Variants in PHF14 observed in about 807,000 individuals in gnomAD.
PHF14 encodes PHD finger protein 14.
Under a neutral mutation model 117.9 loss-of-function variants are expected in PHF14, and 55 were observed. That is an observed-to-expected ratio of 0.47 (90% confidence interval 0.38 to 0.58). PHF14 has a LOEUF of 0.58. PHF14 is among the 20% of genes least tolerant of loss of function. The pLI is 0.00. For missense variants in PHF14, 978 were observed against 1,122.2 expected (o/e 0.87, Z 1.84); for synonymous variants, 409 against 368.6 (o/e 1.11, Z -1.26).
intron 3 of PHF14, among the ~76,000 whole-genome samples, chr7:10,986,802 A>G (rs1464272220): frequency 1.2e-4 from 19 of 152,206 alleles, no homozygotes; most frequent in Non-Finnish European, 2.6e-4. Context: ...CAAGATTTTG[A>G]AACTAAAGTT....
chr7:10,989,841 G>A (rs955307941), intron 3 of PHF14, among the ~76,000 whole-genome samples: 2 of 152,070 alleles, frequency 1.3e-5, no homozygotes, highest in African/African-American at 2.4e-5. Flanking sequence ...GTGTTGCCCA[G>A]GCTGGTCTCA....
At chr7:11,116,418 A>G (rs1787605180) in intron 17 of PHF14, among the ~76,000 whole-genome samples, 1 of 152,066 alleles carries the variant, frequency 6.6e-6, no homozygotes, top group Admixed American at 6.6e-5. Context: ...GGATGTAGGT[A>G]TACGTATTCA....
At chr7:11,046,282 A>T (rs547389447) in intron 13 of PHF14, among the ~76,000 whole-genome samples, 381 of 152,324 alleles carry the variant, frequency 2.5e-3, no homozygotes, top group African/African-American at 8.8e-3. Flanking sequence ...AGTAGTTCAA[A>T]TAGTTAATCA....
At chr7:11,090,070 C>T (rs1389826136) in intron 16 of PHF14, among the ~76,000 whole-genome samples, 1 of 152,184 alleles carries the variant, frequency 6.6e-6, no homozygotes, top group African/African-American at 2.4e-5. Context: ...CTCACTTGGC[C>T]TGTTCATGCC....
chr7:11,126,526 T>C (rs1233764507), intron 17 of PHF14, among the ~76,000 whole-genome samples: 1 of 152,142 alleles, frequency 6.6e-6, no homozygotes, highest in Non-Finnish European at 1.5e-5. Flanking sequence ...CATATGAATC[T>C]AATTTTTGCA....
intron 16 of PHF14, among the ~76,000 whole-genome samples, chr7:11,097,259 G>A (rs996254010): frequency 3.9e-5 from 6 of 152,106 alleles, no homozygotes; most frequent in Non-Finnish European, 5.9e-5. Flanking sequence ...GATTACAGGC[G>A]CGAGCCACCG....
intron 7 of PHF14, among the ~76,000 whole-genome samples, chr7:11,035,224 A>C (rs1227557408): frequency 6.6e-6 from 1 of 152,160 alleles, no homozygotes; most frequent in Non-Finnish European, 1.5e-5. Flanking sequence ...GAGACTGCTT[A>C]AAATATGTGG....
intron 17 of PHF14, among the ~76,000 whole-genome samples, chr7:11,162,700 CTTTTTT>C (rs5882294): frequency 7.8e-6 from 1 of 127,956 alleles, no homozygotes; most frequent in South Asian, 2.6e-4. Context: ...AATCCAAAGT[CTTTTTT>C]TTTTTTTTTT....
intron 16 of PHF14, among the ~76,000 whole-genome samples, chr7:11,074,559 G>C (rs1158096621): frequency 2.0e-5 from 3 of 152,138 alleles, no homozygotes; most frequent in Non-Finnish European, 4.4e-5. Context: ...TCGATTCATA[G>C]GCTGTTATAA....
At position 11,099,245 on chromosome 7, in the gene PHF14, G is replaced by GT. The variant is rs1462289287; in HGVS notation, c.2655-12104dup. 2.6e-5 allele frequency among the ~76,000 whole-genome samples: 4 copies of GT among 152,110 alleles called. No homozygotes were observed. In the East Asian group the frequency reaches 7.7e-4, roughly 29 times the overall value. On this transcript the variant is annotated intron_variant, in intron 16 of 17. Coordinates refer to ENST00000634607, the MANE Select transcript of PHF14 (RefSeq NM_001007157.2). ...CTGTCTAACACATTTAGTATTTATT[G>GT]TATCACATTCTTTGACTTAAAATCT...
chr7:11,016,393 C>T (rs1783536322), intron 5 of PHF14, among the ~76,000 whole-genome samples: 1 of 151,668 alleles, frequency 6.6e-6, no homozygotes, highest in African/African-American at 2.4e-5. Flanking sequence ...TTGAAGTTCA[C>T]CATCACATGA....
chr7:11,144,070 G>T (rs1047131424), intron 17 of PHF14, among the ~76,000 whole-genome samples: 2 of 151,934 alleles, frequency 1.3e-5, no homozygotes, highest in African/African-American at 4.8e-5. Flanking sequence ...GATCTGAGTA[G>T]AAATTTCTCA....
intron 3 of PHF14, among the ~76,000 whole-genome samples, chr7:10,986,958 CT>C (rs1387980256): frequency 6.6e-6 from 1 of 152,092 alleles, no homozygotes; most frequent in Non-Finnish European, 1.5e-5. Flanking sequence ...ATAAATGTAA[CT>C]TTATGTTCTT....
intron 4 of PHF14, among the ~76,000 whole-genome samples, chr7:10,992,022 T>C (rs1782473313): frequency 6.6e-6 from 1 of 151,940 alleles, no homozygotes; most frequent in East Asian, 1.9e-4. Flanking sequence ...AAAAAATTTA[T>C]ATTCTATCAA....
At chr7:11,102,788 A>T in intron 16 of PHF14, 1 of 1,352,590 alleles carries the variant, frequency 7.4e-7, no homozygotes, top group South Asian at 1.7e-5. Flanking sequence ...CTTATCAGAA[A>T]TATTTGATGT....
At chr7:11,115,522 A>C (rs934749286) in intron 17 of PHF14, among the ~76,000 whole-genome samples, 32 of 152,142 alleles carry the variant, frequency 2.1e-4, no homozygotes, top group African/African-American at 7.5e-4. Context: ...TGCATCATCA[A>C]AAATAGCTTT....
At chr7:11,028,561 A>G (rs1784007989) in intron 6 of PHF14, 120 bp from the exon 7 acceptor site, 1 of 870,690 alleles carries the variant, frequency 1.1e-6, no homozygotes, top group African/African-American at 1.7e-5. Context: ...GTATTGGTAC[A>G]TAATTGGTTC....
chr7:10,979,072 A>G (rs1781968278), intron 2 of PHF14, among the ~76,000 whole-genome samples: 1 of 152,172 alleles, frequency 6.6e-6, no homozygotes, highest in Admixed American at 6.5e-5. Context: ...AAATTGATGA[A>G]CAAATTTATA....
chr7:11,167,855 C>T (rs1583519485), intron 17 of PHF14, among the ~76,000 whole-genome samples: 6 of 152,002 alleles, frequency 3.9e-5, no homozygotes, highest in Admixed American at 3.9e-4. Context: ...CGGTGAAACC[C>T]CGTCTCTACT....
Sources: gnomAD v4.1 joint callset for allele counts (sites outside exome capture counted in the v4.1 genomes callset) on GRCh38, gnomAD v4.1.1 for gene constraint, MANE v1.5 for transcripts, NCBI Gene and HGNC (gene_info 2026-07-23, HGNC 2026-07-21) for gene names.